The following ESYT2 variants were observed in gnomAD, a reference collection of about 807,000 sequenced individuals.
The protein encoded by ESYT2 is extended synaptotagmin-2.
A neutral mutation model predicts 107.2 loss-of-function variants in ESYT2; 54 were observed. The ratio of observed to expected loss-of-function variants is 0.50; its 90% CI spans 0.40 to 0.63. ESYT2 has a LOEUF of 0.63. ESYT2 is among the 30% of genes least tolerant of loss of function. ESYT2 has a pLI of 0.00. For synonymous variants in ESYT2, 491 were observed against 434.1 expected (o/e 1.13, Z -1.63); for missense variants, 1,020 against 1,094.5 (o/e 0.93, Z 0.96).
rs1344076955 is a variant in ESYT2, at chr7:158,827,059, A to AG, written c.330+2029dup. On this transcript the variant is annotated intron_variant, in intron 1 of 22. Coordinates refer to ENST00000275418, the MANE Select transcript of ESYT2 (RefSeq NM_001367773.1). ...ACGCCTGTAATCCCAGCTACTCGGG[A>AG]GGCTGAGGCAGGAGAATCTTTTGAA... Among the ~76,000 whole-genome samples the AG allele has an allele frequency of 2.7e-5, 4 of 150,388 alleles. No homozygotes were observed. The East Asian group carries it at 8.1e-4, about 30-fold the overall frequency.
Position 158,733,262 on chromosome 7 carries a change from C to T in ESYT2, c.*945G>A, listed in dbSNP as rs1358915834. On this transcript the variant is annotated 3_prime_UTR_variant, in exon 23 of 23. Coordinates refer to ENST00000275418, the MANE Select transcript of ESYT2 (RefSeq NM_001367773.1). ...TACTCACTCCAATCTACCTCACAACCTTTAAAAGGACAACGTGTACCTTCC... is the reference window on the plus strand; with the variant it reads ...TACTCACTCCAATCTACCTCACAACTTTTAAAAGGACAACGTGTACCTTCC... 8 of 152,232 alleles carry T rather than the reference C, an allele frequency of 5.3e-5. No homozygotes were observed. Among genetic ancestry groups the T allele is most frequent in the Admixed American group, 1.3e-4 (2 of 15,280 alleles). 9.4% of individuals were successfully genotyped at this position (152,232 alleles called of 1,614,324 possible). A position where few individuals can be genotyped will look rare whatever the true frequency, so the allele number is the denominator to read the frequency against.
intron 1 of ESYT2, among the ~76,000 whole-genome samples, chr7:158,809,053 T>C (rs1053704970): frequency 1.3e-5 from 2 of 152,100 alleles, no homozygotes; most frequent in East Asian, 1.9e-4. Flanking sequence ...ACAAAACAGA[T>C]GTTCTGATTG....
intron 1 of ESYT2, among the ~76,000 whole-genome samples, chr7:158,799,290 G>C (rs1210518343): frequency 1.3e-5 from 2 of 152,196 alleles, no homozygotes; most frequent in Non-Finnish European, 2.9e-5. Context: ...GAGCAAAAAA[G>C]TTGTGTGTGG....
At chr7:158,817,116 G>C (rs901469471) in intron 1 of ESYT2, among the ~76,000 whole-genome samples, 1 of 152,148 alleles carries the variant, frequency 6.6e-6, no homozygotes, top group African/African-American at 2.4e-5. Flanking sequence ...TATCTGAACA[G>C]CTCCTCCTCT....
At chr7:158,782,428 T>G (rs1388682541) in intron 6 of ESYT2, among the ~76,000 whole-genome samples, 3 of 145,244 alleles carry the variant, frequency 2.1e-5, no homozygotes, top group Non-Finnish European at 3.0e-5. Context: ...GAGAACAAAG[T>G]GAGGTGTGAG....
intron 17 of ESYT2, 138 bp from the exon 18 acceptor site, chr7:158,742,034 T>G: frequency 1.1e-6 from 1 of 931,908 alleles, no homozygotes; most frequent in Non-Finnish European, 1.6e-6. Context: ...TAAAGGAAAG[T>G]TTAGGTAACC....
chr7:158,819,082 T>A (rs1000577429), intron 1 of ESYT2, among the ~76,000 whole-genome samples: 3 of 152,236 alleles, frequency 2.0e-5, no homozygotes, highest in African/African-American at 7.2e-5. Flanking sequence ...CAAACTTTAA[T>A]ATACCAACAC....
intron 1 of ESYT2, among the ~76,000 whole-genome samples, chr7:158,822,028 G>T (rs1267892705): frequency 6.6e-6 from 1 of 152,036 alleles, no homozygotes. Context: ...ACTACTCTGA[G>T]CAGAGTGTAA....
intron 1 of ESYT2, among the ~76,000 whole-genome samples, chr7:158,820,649 G>T (rs1440001350): frequency 1.3e-5 from 2 of 152,166 alleles, no homozygotes; most frequent in Non-Finnish European, 2.9e-5. Context: ...AGTGAGACGT[G>T]GTGGCGCATG....
chr7:158,765,770 A>G (rs533595432), intron 8 of ESYT2, among the ~76,000 whole-genome samples: 40 of 152,066 alleles, frequency 2.6e-4, no homozygotes, highest in Non-Finnish European at 5.6e-4. Context: ...AAAACCAAAT[A>G]TAGTCCTTTC....
chr7:158,765,679 T>A (rs571210923), intron 8 of ESYT2, among the ~76,000 whole-genome samples: 13 of 152,200 alleles, frequency 8.5e-5, no homozygotes, highest in African/African-American at 3.1e-4. Flanking sequence ...GAGCTTGCAG[T>A]GAGCTGAGAT....
chr7:158,743,715 GATCATGTCTGCAGA>G, intron 16 of ESYT2, 37 bp from the exon 17 acceptor site: 2 of 1,589,282 alleles, frequency 1.3e-6, no homozygotes, highest in Non-Finnish European at 1.7e-6. Context: ...GCATAACTAG[GATCATGTCTGCAGA>G]ACCTTTCTAC....
intron 3 of ESYT2, among the ~76,000 whole-genome samples, chr7:158,795,504 G>A (rs1468315130): frequency 6.6e-6 from 1 of 152,194 alleles, no homozygotes; most frequent in Non-Finnish European, 1.5e-5. Context: ...CTACAGCCCT[G>A]GAGCTAGTAT....
intron 6 of ESYT2, among the ~76,000 whole-genome samples, chr7:158,786,934 C>A (rs773411872): frequency 6.6e-6 from 1 of 151,874 alleles, no homozygotes; most frequent in Admixed American, 6.6e-5. Flanking sequence ...ACAAAAGGGG[C>A]GAAGAAAGTT....
Position 158,773,398 on chromosome 7 carries a change from T to C in ESYT2, c.748-2A>G. On this transcript the variant is annotated splice_acceptor_variant, in intron 6 of 22. Transcript: ENST00000275418. LOFTEE classifies it high-confidence loss of function. ...TCCTGTCCAGTTAATTTCTAAAAGC[T>C]GTTTTAAAACAAGGGCAAAATATTA... The C allele has an allele frequency of 1.2e-6, 2 of 1,614,138 alleles. No individual in the cohort carries two copies. The highest frequency in any genetic ancestry group is 1.7e-6 in the Non-Finnish European group (2 of 1,180,010).
At chr7:158,766,179 A>G (rs923398353) in intron 8 of ESYT2, among the ~76,000 whole-genome samples, 5 of 152,224 alleles carry the variant, frequency 3.3e-5, no homozygotes, top group Non-Finnish European at 7.3e-5. Flanking sequence ...AAAAAAAAAA[A>G]AATTTACAGA....
At chr7:158,774,580 C>T (rs1838482953) in intron 6 of ESYT2, among the ~76,000 whole-genome samples, 1 of 152,106 alleles carries the variant, frequency 6.6e-6, no homozygotes, top group South Asian at 2.1e-4. Flanking sequence ...TTTTCTCTTA[C>T]ACAACTTAAA....
chr7:158,734,531 G>A (rs2129471069), intron 21 of ESYT2, 60 bp from the exon 22 acceptor site: 2 of 1,506,050 alleles, frequency 1.3e-6, no homozygotes, highest in Non-Finnish European at 1.8e-6. Flanking sequence ...GCTCCCGTCT[G>A]TAATCCCAGC....
At position 158,733,564 on chromosome 7, in the gene ESYT2, C is replaced by G. The variant is rs1836815807; in HGVS notation, c.*643G>C. 1 of 152,130 alleles carries G rather than the reference C, an allele frequency of 6.6e-6. No homozygotes were observed. Among genetic ancestry groups the G allele is most frequent in the Non-Finnish European group, 1.5e-5 (1 of 68,026 alleles). 9.4% of individuals were successfully genotyped at this position (152,130 alleles called of 1,614,324 possible). A position where few individuals can be genotyped will look rare whatever the true frequency, so the allele number is the denominator to read the frequency against. The stretch of plus-strand genomic sequence containing the variant: ...GTTATAAAACATTTTTCCTTATAAG[C>G]CCTTCAACTTACTTCTCAATAATAC... On this transcript the variant is annotated 3_prime_UTR_variant, in exon 23 of 23. Transcript: ENST00000275418.
Sources: gnomAD v4.1 joint callset for allele counts (sites outside exome capture counted in the v4.1 genomes callset) on GRCh38, gnomAD v4.1.1 for gene constraint, MANE v1.5 for transcripts, NCBI Gene and HGNC (gene_info 2026-07-23, HGNC 2026-07-21) for gene names.